The following ANKAR variants were observed in gnomAD, a reference collection of about 807,000 sequenced individuals.
The protein encoded by ANKAR is ankyrin and armadillo repeat-containing protein.
A neutral mutation model predicts 146.2 loss-of-function variants in ANKAR; 136 were observed. The observed-to-expected ratio is 0.93, with a 90% CI of 0.81 to 1.07. ANKAR has a LOEUF of 1.07. ANKAR is among the 50% of genes least tolerant of loss of function. The probability of loss-of-function intolerance (pLI) is 0.00; values close to 1 mark genes in which losing one functional copy is unlikely to be tolerated. For synonymous variants in ANKAR, 500 were observed against 575.8 expected (o/e 0.87, Z 1.88); for missense variants, 1,567 against 1,679.9 (o/e 0.93, Z 1.18).
chr2:189,716,256 T>C (rs1366081283), intron 10 of ANKAR, among the ~76,000 whole-genome samples: 1 of 152,136 alleles, frequency 6.6e-6, no homozygotes, highest in African/African-American at 2.4e-5. Context: ...GGATACAAAA[T>C]CAATGTGCAA....
In ANKAR at chr2:189,755,341, A is replaced by G. The variant is rs548384070; in HGVS notation, c.*585-5757A>G. On this transcript the variant is annotated intron_variant and NMD_transcript_variant, in intron 18 of 18. Coordinates refer to the ANKAR transcript ENST00000441800. ...TAATAGTAAGTGCATGAGCCTCCAT[A>G]TGATGAATGGGAATGAATGGCTTTT... is the stretch of plus-strand genomic sequence containing the variant. The G allele has an allele frequency of 3.6e-5, 58 of 1,613,572 alleles. 1 individual carries two copies. In the East Asian group the frequency reaches 1.2e-3, roughly 33 times the overall value.
At chr2:189,719,863 T>G in intron 11 of ANKAR, 50 bp downstream of exon 11, 4 of 1,484,674 alleles carry the variant, frequency 2.7e-6, no homozygotes, top group Non-Finnish European at 3.6e-6. Flanking sequence ...AACTCCCTCA[T>G]ATAGAAGTTA....
chr2:189,693,305 C>A, intron 5 of ANKAR, 128 bp downstream of exon 5: 2 of 624,354 alleles, frequency 3.2e-6, no homozygotes, highest in Non-Finnish European at 2.8e-6. Flanking sequence ...TAATAACCAC[C>A]ATGAATGACT....
At chr2:189,755,276 A>C (rs1464295884) in intron 18 of ANKAR, 1 of 1,613,504 alleles carries the variant, frequency 6.2e-7, no homozygotes. Context: ...TCCAGAAATC[A>C]AAAGAACTAA....
intron 7 of ANKAR, among the ~76,000 whole-genome samples, chr2:189,702,241 A>G (rs2038178844): frequency 6.6e-6 from 1 of 152,176 alleles, no homozygotes; most frequent in Admixed American, 6.5e-5. Flanking sequence ...GTATTTCAAA[A>G]TGGTTCCTTT....
intron 19 of ANKAR, among the ~76,000 whole-genome samples, chr2:189,740,747 G>A (rs543477113): frequency 6.6e-6 from 1 of 151,042 alleles, no homozygotes; most frequent in East Asian, 1.9e-4. Flanking sequence ...AGGCTGTAGT[G>A]CAATGGCACG....
At chr2:189,752,696 A>G (rs1398836584) in intron 18 of ANKAR, 1 of 1,613,910 alleles carries the variant, frequency 6.2e-7, no homozygotes, top group Non-Finnish European at 8.5e-7. Flanking sequence ...AAAATGCCCA[A>G]GCCAGCACGT....
intron 20 of ANKAR, among the ~76,000 whole-genome samples, chr2:189,742,534 C>T (rs1339161779): frequency 2.6e-5 from 4 of 151,256 alleles, no homozygotes; most frequent in African/African-American, 4.9e-5. Context: ...GCTCTTGTAA[C>T]GTCTGAATGT....
At chr2:189,711,028 T>C (rs762643376) in intron 9 of ANKAR, 21 bp from the exon 10 acceptor site, 2 of 1,595,972 alleles carry the variant, frequency 1.3e-6, no homozygotes, top group East Asian at 4.5e-5. Flanking sequence ...CAGCTGTGTT[T>C]TTCTGTTGAA....
In ANKAR at chr2:189,720,672, A is replaced by C; in HGVS notation, c.2520A>C (p.Leu840=). The C allele has an allele frequency of 7.1e-7, 1 of 1,412,504 alleles. No homozygotes were observed. Among genetic ancestry groups the C allele is most frequent in the Non-Finnish European group, 9.3e-7 (1 of 1,076,240 alleles). 87.5% of individuals were successfully genotyped at this position (1,412,504 alleles called of 1,614,324 possible). The change falls in exon 12 of 23, where the codon CTA becomes CTC. Residue 840 remains leucine (L), a synonymous_variant. Transcript: ENST00000684021. The stretch of plus-strand genomic sequence containing the variant: ...TGAACTTAAACATAGAAAATGTGCT[A>C]GTAAATGTAATGAACTGTATACGGG... ...NLLNLNIENV[L]VNVMNCIRVL...
At chr2:189,697,436 T>C (rs1406510356) in intron 7 of ANKAR, among the ~76,000 whole-genome samples, 1 of 152,176 alleles carries the variant, frequency 6.6e-6, no homozygotes, top group Non-Finnish European at 1.5e-5. Flanking sequence ...TGAAGTCAGC[T>C]ATCTTAATAA....
chr2:189,712,311 C>G (rs1480965952), intron 10 of ANKAR, among the ~76,000 whole-genome samples: 1 of 152,212 alleles, frequency 6.6e-6, no homozygotes, highest in African/African-American at 2.4e-5. Flanking sequence ...GTCCCTCACC[C>G]CCTTGTAGCC....
chr2:189,710,749 C>G (rs1419878838), intron 9 of ANKAR, among the ~76,000 whole-genome samples: 1 of 152,230 alleles, frequency 6.6e-6, no homozygotes, highest in Non-Finnish European at 1.5e-5. Flanking sequence ...CTGCAGTGAG[C>G]TGTGATCATG....
chr2:189,743,290 T>C lies in ANKAR; in HGVS notation c.3826T>C (p.Ser1276Pro), dbSNP rs1234609970. The change falls in exon 21 of 23, where the codon TCC becomes CCC. Residue 1276 changes from serine to proline, a missense_variant. Transcript: ENST00000684021. ...CTTCATTTAGGTTCGTGCAGCTTGT[T>C]CCTCTGCTCTTGGCTACTTAACATA... ...SGIEEVRAAC[S>P]SALGYLTYNA... 6.2e-7 allele frequency: 1 copy of C among 1,613,748 alleles called. No homozygotes were observed. The highest frequency in any genetic ancestry group is 8.5e-7 in the Non-Finnish European group (1 of 1,179,758).
intron 5 of ANKAR, among the ~76,000 whole-genome samples, chr2:189,694,163 G>A (rs2036851499): frequency 6.6e-6 from 1 of 152,192 alleles, no homozygotes; most frequent in East Asian, 2.0e-4. Context: ...CTGAGAGGTC[G>A]AGGCTGAAGT....
At chr2:189,756,926 C>T (rs16831975) in intron 18 of ANKAR, among the ~76,000 whole-genome samples, 5,143 of 152,262 alleles carry the variant, frequency 0.034, 297 homozygotes, top group African/African-American at 0.12. Flanking sequence ...TCCAAATTCT[C>T]TCCCTGCAAC....
chr2:189,683,262 A>G (rs2035019912), intron 2 of ANKAR, among the ~76,000 whole-genome samples: 1 of 152,192 alleles, frequency 6.6e-6, no homozygotes, highest in South Asian at 2.1e-4. Context: ...TTAAGACAGG[A>G]TAGATGAGGG....
chr2:189,721,291 T>C (rs16831909), intron 12 of ANKAR, among the ~76,000 whole-genome samples: 5 of 152,156 alleles, frequency 3.3e-5, no homozygotes, highest in African/African-American at 1.2e-4. Flanking sequence ...TGGCAGATAA[T>C]GATTAAATTT....
At chr2:189,747,928 C>T (rs140975685), downstream of ANKAR, among the ~76,000 whole-genome samples, 2,434 of 152,120 alleles carry the variant, frequency 0.016, 60 homozygotes, top group African/African-American at 0.056. Flanking sequence ...TCAGGTGATC[C>T]GCCTACCTTG....
Sources: allele counts gnomAD v4.1 joint callset (sites outside exome capture counted in the v4.1 genomes callset), GRCh38; gene constraint gnomAD v4.1.1; transcripts MANE v1.5; gene names NCBI Gene and HGNC (gene_info 2026-07-23, HGNC 2026-07-21).